Variants in RIF1 observed in about 807,000 individuals in gnomAD.
RIF1 encodes the protein replication timing regulatory factor 1.
Under a neutral mutation model 247.1 loss-of-function variants are expected in RIF1, and 45 were observed. The ratio of observed to expected loss-of-function variants is 0.18; its 90% CI spans 0.14 to 0.23. The LOEUF (loss-of-function observed/expected upper bound fraction) is 0.23. Among genes scored for constraint, RIF1 ranks in the 10% least tolerant of loss-of-function variants. The pLI is 1.00. For synonymous variants in RIF1, 1,087 were observed against 978.8 expected (o/e 1.11, Z -2.06); for missense variants, 2,967 against 2,862.5 (o/e 1.04, Z -0.83).
chr2:151,506,044 G>C, intron 12 of RIF1: 1 of 850,234 alleles, frequency 1.2e-6, no homozygotes, highest in South Asian at 1.4e-5. Flanking sequence ...GTGGTACACA[G>C]GCACCTATTT....
chr2:151,448,678 T>A (rs1256123697), intron 20 of RIF1, among the ~76,000 whole-genome samples: 1 of 151,532 alleles, frequency 6.6e-6, no homozygotes, highest in African/African-American at 2.4e-5. Context: ...ATTTTTGTTG[T>A]ATAGCATCTT....
At chr2:151,448,065 A>G (rs891048054) in intron 20 of RIF1, among the ~76,000 whole-genome samples, 7 of 151,966 alleles carry the variant, frequency 4.6e-5, no homozygotes, top group African/African-American at 1.7e-4. Flanking sequence ...CCCCTGAGAC[A>G]GAGTCTCACA....
intron 25 of RIF1, among the ~76,000 whole-genome samples, chr2:151,459,484 T>TA (rs927881772): frequency 6.7e-4 from 102 of 152,292 alleles, no homozygotes; most frequent in African/African-American, 2.3e-3. Context: ...AAGACTGTTA[T>TA]AGCCAACTAA....
At chr2:151,498,212 T>TTAA in intron 10 of RIF1, 2 of 1,549,894 alleles carry the variant, frequency 1.3e-6, no homozygotes, top group South Asian at 1.2e-5. Flanking sequence ...AAAGATCAGT[T>TTAA]TAATTCTGAA....
intron 25 of RIF1, 98 bp downstream of exon 25, chr2:151,459,008 AAC>A: frequency 3.0e-6 from 2 of 673,168 alleles, no homozygotes; most frequent in Non-Finnish European, 4.9e-6. Flanking sequence ...AGAGTTTTGT[AAC>A]ATAGGCTTTT....
intron 15 of RIF1, among the ~76,000 whole-genome samples, chr2:151,441,423 T>C (rs563611566): frequency 1.2e-4 from 19 of 152,312 alleles, no homozygotes; most frequent in African/African-American, 4.1e-4. Flanking sequence ...GAAAAATGGT[T>C]GAATAAATAA....
At chr2:151,474,521 C>CA (rs941241177) in intron 35 of RIF1, among the ~76,000 whole-genome samples, 9 of 152,036 alleles carry the variant, frequency 5.9e-5, no homozygotes, top group Non-Finnish European at 8.8e-5. Flanking sequence ...ACTAAAAATA[C>CA]AAAAAATAGC....
downstream of RIF1, among the ~76,000 whole-genome samples, chr2:151,483,828 A>G (rs1386628102): frequency 6.6e-6 from 1 of 152,034 alleles, no homozygotes; most frequent in Admixed American, 6.5e-5. Flanking sequence ...TAAATTCTTC[A>G]TGAACTGCAC....
At position 151,475,265 on chromosome 2, in the gene RIF1, T is replaced by TTC. The variant is rs1574198201; in HGVS notation, c.*194_*195insTC. 1.2e-4 allele frequency: 67 copies of TTC among 553,388 alleles called. No individual in the cohort carries two copies. In the East Asian group the frequency reaches 2.1e-3, roughly 17 times the overall value. The allele number at this position is 553,388 out of a possible 1,614,324, so 34.3% of individuals were successfully genotyped here. On this transcript the variant is annotated 3_prime_UTR_variant, in exon 36 of 36. Transcript: ENST00000444746. ...TCATTATGTAAGATCCTTTTTTTTT[T>TTC]CATAATATGTATTCTTGGCTGCTAT...
At chr2:151,485,694 G>C (rs191006696), downstream of RIF1, 432 of 1,494,050 alleles carry the variant, frequency 2.9e-4, no homozygotes, top group South Asian at 1.2e-4. Context: ...ACAGTGGAGA[G>C]TCTAAACCGA....
At chr2:151,456,961 T>G (rs868804216) in intron 23 of RIF1, among the ~76,000 whole-genome samples, 2 of 152,210 alleles carry the variant, frequency 1.3e-5, no homozygotes, top group Non-Finnish European at 2.9e-5. Flanking sequence ...CTCGAACTCC[T>G]GACCTCAAGT....
chr2:151,438,711 A>G lies in RIF1; in HGVS notation c.1511A>G (p.Glu504Gly). 2 of 1,613,052 alleles carry G rather than the reference A, an allele frequency of 1.2e-6. No homozygotes were observed. Among genetic ancestry groups the G allele is most frequent in the Non-Finnish European group, 8.5e-7 (1 of 1,179,088 alleles). Residue 504 changes from glutamate (E) to glycine (G), a missense_variant, in exon 14 of 36, where the codon GAG becomes GGG. Glu to Gly is a moderately conservative substitution (Grantham distance 98, BLOSUM62 -2). Transcript: ENST00000444746. ...PDVVVSAIWK[E>G]LISLVKSVTE... The stretch of plus-strand genomic sequence containing the variant: ...GTGGTTGTCAGTGCTATCTGGAAGG[A>G]GCTAATTAGCTTGGTGAAGTCAGTT...
intron 10 of RIF1, among the ~76,000 whole-genome samples, chr2:151,498,891 T>TAAAA (rs66881625): frequency 0.52 from 78,595 of 149,870 alleles, 22,373 homozygotes; most frequent in East Asian, 0.74. Context: ...GATAAGGTGC[T>TAAAA]AAAAAAAAGA....
chr2:151,427,168 G>A (rs1689244404), intron 8 of RIF1, among the ~76,000 whole-genome samples: 1 of 150,672 alleles, frequency 6.6e-6, no homozygotes, highest in African/African-American at 2.4e-5. Flanking sequence ...TTTTTTATTT[G>A]TGATGCATTA....
the RIF1 span, chr2:151,526,387 T>TG: frequency 1.4e-6 from 1 of 715,866 alleles, no homozygotes; most frequent in Non-Finnish European, 2.4e-6. Flanking sequence ...ATGTGATACT[T>TG]GCAAATTTTG....
intron 12 of RIF1, chr2:151,505,687 G>A (rs1033394818): frequency 2.3e-5 from 19 of 828,020 alleles, no homozygotes; most frequent in South Asian, 2.9e-5. Context: ...TGTAAATAAC[G>A]CAGGCTTTAT....
At chr2:151,532,735 A>G in the RIF1 span, among the ~76,000 whole-genome samples, 1 of 114,278 alleles carries the variant, frequency 8.8e-6, no homozygotes, top group South Asian at 2.7e-4. Context: ...CTAAGAGGAA[A>G]GCTCAATTAA....
At chr2:151,429,594 G>T (rs922760898) in intron 9 of RIF1, among the ~76,000 whole-genome samples, 14 of 152,224 alleles carry the variant, frequency 9.2e-5, no homozygotes, top group African/African-American at 3.4e-4. Context: ...TAGAGAGATT[G>T]AGTAATTATC....
At chr2:151,519,270 C>G in the RIF1 span, among the ~76,000 whole-genome samples, 1 of 152,178 alleles carries the variant, frequency 6.6e-6, no homozygotes, top group African/African-American at 2.4e-5. Flanking sequence ...GTGGCATATA[C>G]ATACAATGGA....
Sources: gnomAD v4.1 joint callset for allele counts (sites outside exome capture counted in the v4.1 genomes callset) on GRCh38, gnomAD v4.1.1 for gene constraint, MANE v1.5 for transcripts, NCBI Gene and HGNC (gene_info 2026-07-23, HGNC 2026-07-21) for gene names.